HPRT1: variants seen among roughly 807,000 people sequenced by gnomAD.
The protein encoded by HPRT1 is hypoxanthine phosphoribosyltransferase 1.
Under a neutral mutation model 19.0 loss-of-function variants are expected in HPRT1, and 4 were observed. That is an observed-to-expected ratio of 0.21 (90% confidence interval 0.10 to 0.48). HPRT1 has a LOEUF of 0.48. HPRT1 is among the 20% of genes least tolerant of loss of function. HPRT1 has a pLI of 0.98. For synonymous variants in HPRT1, 53 were observed against 54.9 expected (o/e 0.97, Z 0.15); for missense variants, 65 against 164.0 (o/e 0.40, Z 3.30).
At chrX:134,486,770 C>G (rs2077654508) in intron 4 of HPRT1, 3 of 289,686 alleles carry the variant, frequency 1.0e-5, no homozygotes, top group Non-Finnish European at 1.9e-5. Flanking sequence ...CTGTGGGACT[C>G]TAATTTGGGA....
chrX:134,472,213 A>G (rs1019736933), intron 1 of HPRT1, among the ~76,000 whole-genome samples: 1 of 109,588 alleles, frequency 9.1e-6, no homozygotes, highest in Non-Finnish European at 1.9e-5. Flanking sequence ...GCCTCAAGCA[A>G]CTCTCCTGTC....
intron 4 of HPRT1, among the ~76,000 whole-genome samples, chrX:134,487,343 A>G (rs1486521461): frequency 1.8e-5 from 2 of 111,240 alleles, no homozygotes; most frequent in African/African-American, 6.5e-5. Flanking sequence ...ATCTTCTAGT[A>G]CATTGAAAAA....
chrX:134,473,313 T>A (rs2077615450), intron 1 of HPRT1, 46 bp from the exon 2 acceptor site: 1 of 770,961 alleles, frequency 1.3e-6, no homozygotes, highest in East Asian at 3.2e-5. Context: ...ATCAAATGTT[T>A]GTATCCTGTA....
intron 1 of HPRT1, among the ~76,000 whole-genome samples, chrX:134,472,015 G>A (rs142060779): frequency 4.5e-5 from 5 of 111,031 alleles, no homozygotes; most frequent in Non-Finnish European, 7.5e-5. Flanking sequence ...TGTTGTCCAC[G>A]CTGGAGTGCT....
chrX:134,496,530 A>G (rs1017626737), intron 6 of HPRT1, among the ~76,000 whole-genome samples: 24 of 112,031 alleles, frequency 2.1e-4, no homozygotes, highest in African/African-American at 7.8e-4. Flanking sequence ...GTTTAGTGAT[A>G]CCTTTTCTGG....
At chrX:134,461,598 A>G (rs980909549) in intron 1 of HPRT1, among the ~76,000 whole-genome samples, 1 of 112,169 alleles carries the variant, frequency 8.9e-6, no homozygotes, top group Admixed American at 9.5e-5. Flanking sequence ...TGAGAGGATT[A>G]TAAGACAGTC....
At chrX:134,469,370 A>G (rs774937616) in intron 1 of HPRT1, among the ~76,000 whole-genome samples, 3 of 111,461 alleles carry the variant, frequency 2.7e-5, no homozygotes, top group African/African-American at 9.8e-5. Context: ...AATAAAATCT[A>G]GGATGCAATA....
Position 134,460,207 on chromosome X carries a change from C to T in HPRT1, c.-105C>T. The T allele has an allele frequency of 7.6e-6, 7 of 918,960 alleles. No homozygotes were observed. The South Asian group carries it at 1.3e-4, about 17-fold the overall frequency. The allele number at this position is 918,960 out of a possible 1,213,427, so 75.7% of individuals were successfully genotyped here. A position where few individuals can be genotyped will look rare whatever the true frequency, so the allele number is the denominator to read the frequency against. On this transcript the variant is annotated 5_prime_UTR_variant, in exon 1 of 9. Coordinates refer to ENST00000298556, the MANE Select transcript of HPRT1 (RefSeq NM_000194.3). ...ACGAGCCCTCAGGCGAACCTCTCGG[C>T]TTTCCCGCGCGGCGCCGCCTCTTGC...
rs1055741989 is a variant in HPRT1 at position 134,460,213 on chromosome X, C to G, written c.-99C>G. ...CCTCAGGCGAACCTCTCGGCTTTCCCGCGCGGCGCCGCCTCTTGCTGCGCC... is the reference window on the plus strand; with the variant it reads ...CCTCAGGCGAACCTCTCGGCTTTCCGGCGCGGCGCCGCCTCTTGCTGCGCC... On this transcript the variant is annotated 5_prime_UTR_variant, in exon 1 of 9. Transcript: ENST00000298556. 1.2e-5 allele frequency: 11 copies of G among 947,581 alleles called. No homozygotes were observed. The highest frequency in any genetic ancestry group is 2.1e-5 in the African/African-American group (1 of 48,416). 78.1% of individuals were successfully genotyped at this position (947,581 alleles called of 1,213,427 possible). A position where few individuals can be genotyped will look rare whatever the true frequency, so the allele number is the denominator to read the frequency against.
intron 1 of HPRT1, 72 bp downstream of exon 1, chrX:134,460,410 C>G: frequency 1.1e-6 from 1 of 905,204 alleles, no homozygotes; most frequent in Non-Finnish European, 1.4e-6. Flanking sequence ...CCCTGAGGCG[C>G]GGGATCCGCA....
intron 1 of HPRT1, among the ~76,000 whole-genome samples, chrX:134,469,829 C>T (rs758520391): frequency 8.9e-6 from 1 of 112,189 alleles, no homozygotes; most frequent in South Asian, 3.7e-4. Context: ...CAGATATATT[C>T]TGATGAGCCT....
intron 1 of HPRT1, among the ~76,000 whole-genome samples, chrX:134,464,661 ACCGACTC>A (rs1316738183): frequency 2.7e-5 from 3 of 110,865 alleles, no homozygotes; most frequent in Non-Finnish European, 3.8e-5. Flanking sequence ...CACTCTAGCC[ACCGACTC>A]CCTGGTTCAA....
intron 5 of HPRT1, 41 bp downstream of exon 5, chrX:134,490,246 T>G (rs1407603807): frequency 2.4e-6 from 2 of 828,244 alleles, no homozygotes; most frequent in East Asian, 6.5e-5. Context: ...TTATGACTTT[T>G]CTAACTTAGT....
chrX:134,460,506 G>A, intron 1 of HPRT1, 168 bp downstream of exon 1: 1 of 308,445 alleles, frequency 3.2e-6, no homozygotes. Context: ...ACGCGAGGGC[G>A]GCAGGGAGGA....
intron 5 of HPRT1, among the ~76,000 whole-genome samples, chrX:134,492,111 G>T (rs1218941645): frequency 2.4e-4 from 24 of 100,482 alleles, no homozygotes; most frequent in Admixed American, 2.2e-4. Flanking sequence ...TGTTGGCCAG[G>T]CTGGTCTGGC....
intron 1 of HPRT1, among the ~76,000 whole-genome samples, chrX:134,468,162 A>T (rs1042491153): frequency 9.1e-6 from 1 of 110,356 alleles, no homozygotes; most frequent in Non-Finnish European, 1.9e-5. Context: ...ACTCATGTAC[A>T]TGTCATGCCA....
intron 1 of HPRT1, among the ~76,000 whole-genome samples, chrX:134,462,078 C>T (rs1169735734): frequency 8.9e-6 from 1 of 111,885 alleles, no homozygotes; most frequent in Admixed American, 9.5e-5. Context: ...TCGGGTGATT[C>T]TCCCCAGGCT....
intron 6 of HPRT1, among the ~76,000 whole-genome samples, 198 bp downstream of exon 6, chrX:134,493,788 G>A (rs2077673854): frequency 9.0e-6 from 1 of 111,728 alleles, no homozygotes; most frequent in Non-Finnish European, 1.9e-5. Context: ...TCACTTCCTT[G>A]CCTAATATTA....
intron 6 of HPRT1, among the ~76,000 whole-genome samples, chrX:134,497,607 G>A (rs899756331): frequency 9.1e-6 from 1 of 109,730 alleles, no homozygotes; most frequent in African/African-American, 3.3e-5. Context: ...ACTCCAGCCT[G>A]GGCAACAAGA....
Sources: allele counts gnomAD v4.1 joint callset (sites outside exome capture counted in the v4.1 genomes callset), GRCh38; gene constraint gnomAD v4.1.1; transcripts MANE v1.5; gene names NCBI Gene and HGNC (gene_info 2026-07-23, HGNC 2026-07-21).